SAR1A: variants seen among roughly 807,000 people sequenced by gnomAD.
SAR1A encodes secretion associated Ras related GTPase 1A, also known as small COPII coat GTPase SAR1A.
Under a neutral mutation model 22.6 loss-of-function variants are expected in SAR1A, and 6 were observed. The observed-to-expected ratio is 0.27, with a 90% CI of 0.15 to 0.52. The LOEUF (loss-of-function observed/expected upper bound fraction) is 0.52, where lower values mean the gene tolerates loss of function less well. Among genes scored for constraint, SAR1A ranks in the 20% least tolerant of loss-of-function variants. SAR1A has a pLI of 0.96. For missense variants in SAR1A, 145 were observed against 245.1 expected (o/e 0.59, Z 2.73); for synonymous variants, 70 against 82.2 (o/e 0.85, Z 0.80).
At chr10:70,158,138 G>A (rs1164752551) in intron 4 of SAR1A, among the ~76,000 whole-genome samples, 4 of 152,144 alleles carry the variant, frequency 2.6e-5, no homozygotes, top group South Asian at 2.1e-4. Context: ...ACTTATCCAC[G>A]TGACAATTAT....
Position 70,151,277 on chromosome 10 carries a change from A to AAAAAGAAAAAAAAAAAAAAAT in SAR1A, c.*1198_*1199insATTTTTTTTTTTTTTTCTTTT. 1 of 149,422 alleles carries AAAAAGAAAAAAAAAAAAAAAT rather than the reference A, an allele frequency of 6.7e-6. No homozygotes were observed. Among genetic ancestry groups the AAAAAGAAAAAAAAAAAAAAAT allele is most frequent in the African/African-American group, 2.4e-5 (1 of 41,116 alleles). 9.3% of individuals were successfully genotyped at this position (149,422 alleles called of 1,614,324 possible). A position where few individuals can be genotyped will look rare whatever the true frequency, so the allele number is the denominator to read the frequency against. ...TTCATACCAAAAAAAAAAAAAAAAA[A>AAAAAGAAAAAAAAAAAAAAAT]AAAAAAACCTGGAAAAGCTACAGAT... On this transcript the variant is annotated 3_prime_UTR_variant, in exon 7 of 7. Transcript: ENST00000373241.
At position 70,168,916 on chromosome 10, in the gene SAR1A, C is replaced by A. The variant is rs372851612; in HGVS notation, c.-17+1497G>T. Among the ~76,000 whole-genome samples the A allele has an allele frequency of 1.2e-4, 19 of 152,224 alleles. No homozygotes were observed. The South Asian group carries it at 3.7e-3, about 30-fold the overall frequency. On this transcript the variant is annotated intron_variant, in intron 1 of 6. Transcript: ENST00000373241. ...TCATGGCTCACTGCAGCCTCAACCT[C>A]CCAGGCTCAAGAGATCCTCCCACCT...
chr10:70,161,974 A>T, intron 1 of SAR1A, 43 bp from the exon 2 acceptor site: 1 of 1,389,090 alleles, frequency 7.2e-7, no homozygotes, highest in Non-Finnish European at 1.0e-6. Flanking sequence ...TTTCTGAATG[A>T]CAGTACAATT....
At chr10:70,156,493 G>A (rs1226366882) in intron 5 of SAR1A, among the ~76,000 whole-genome samples, 9 of 151,988 alleles carry the variant, frequency 5.9e-5, no homozygotes, top group Non-Finnish European at 1.2e-4. Flanking sequence ...ATGAGACCCT[G>A]TCTCTACAAA....
At chr10:70,161,337 A>C in intron 3 of SAR1A, 1 of 551,688 alleles carries the variant, frequency 1.8e-6, no homozygotes, top group Non-Finnish European at 3.2e-6. Flanking sequence ...AAACTATTCT[A>C]AAAGCCAAAG....
intron 3 of SAR1A, 109 bp downstream of exon 3, chr10:70,161,510 G>A: frequency 6.0e-6 from 8 of 1,340,448 alleles, no homozygotes; most frequent in Non-Finnish European, 5.1e-6. Flanking sequence ...GTATGAGTTG[G>A]CTTTTGGGAC....
At chr10:70,153,010 G>A (rs1391943311) in intron 6 of SAR1A, among the ~76,000 whole-genome samples, 1 of 152,050 alleles carries the variant, frequency 6.6e-6, no homozygotes, top group African/African-American at 2.4e-5. Context: ...AAGAAATGAA[G>A]AATTCATGTG....
intron 3 of SAR1A, chr10:70,161,293 A>G: frequency 1.8e-6 from 1 of 549,148 alleles, no homozygotes; most frequent in Non-Finnish European, 3.2e-6. Flanking sequence ...CCCACTCCCA[A>G]CAAAGAAAAG....
At chr10:70,155,141 C>T (rs745677024) in intron 5 of SAR1A, 1 of 520,578 alleles carries the variant, frequency 1.9e-6, no homozygotes, top group East Asian at 5.5e-5. Context: ...GACCACAAAT[C>T]CAGAAGTTAG....
chr10:70,169,518 G>A (rs1839597118), intron 1 of SAR1A, among the ~76,000 whole-genome samples: 2 of 152,136 alleles, frequency 1.3e-5, no homozygotes, highest in South Asian at 4.1e-4. Flanking sequence ...GAATTCCAGG[G>A]CTAAATGATT....
chr10:70,151,999 C>A lies in SAR1A; in HGVS notation c.*477G>T. 1 of 188,722 alleles carries A rather than the reference C, an allele frequency of 5.3e-6. No homozygotes were observed. Among genetic ancestry groups the A allele is most frequent in the Admixed American group, 5.5e-5 (1 of 18,028 alleles). The allele number at this position is 188,722 out of a possible 1,614,324, so 11.7% of individuals were successfully genotyped here. On this transcript the variant is annotated 3_prime_UTR_variant, in exon 7 of 7. Coordinates refer to ENST00000373241, the MANE Select transcript of SAR1A (RefSeq NM_020150.5). ...CCCAAATGAGCTCTGGCCTCCATAT[C>A]TGTTCATAATTTTATGAAGTATCTA...
rs182366311 is a variant in SAR1A, at chr10:70,157,491, T to A, written c.348+273A>T. 5.5e-3 allele frequency among the ~76,000 whole-genome samples: 828 copies of A among 149,978 alleles called. 9 individuals are homozygous for A. The highest frequency in any genetic ancestry group is 0.019 in the African/African-American group (780 of 40,338). On this transcript the variant is annotated intron_variant, in intron 5 of 6. Transcript: ENST00000373241. Reference sequence around the variant, plus strand: ...ATTAATTATGCTGGGACAACAGGCATAAATGAGGAGTATCCTGAGCAAACT... The same window carrying A: ...ATTAATTATGCTGGGACAACAGGCAAAAATGAGGAGTATCCTGAGCAAACT...
chr10:70,161,110 C>A, intron 3 of SAR1A, 41 bp from the exon 4 acceptor site: 1 of 1,329,762 alleles, frequency 7.5e-7, no homozygotes, highest in South Asian at 1.2e-5. Flanking sequence ...CTTGTCAACT[C>A]AACAACCCCC....
intron 6 of SAR1A, among the ~76,000 whole-genome samples, chr10:70,152,920 A>C (rs1406843540): frequency 6.6e-6 from 1 of 152,246 alleles, no homozygotes; most frequent in Non-Finnish European, 1.5e-5. Flanking sequence ...TGCAGAAAAG[A>C]GGTCTGGGAC....
rs553383936 is a variant in SAR1A at position 70,156,353 on chromosome 10, G to T, written c.348+1411C>A. Among the ~76,000 whole-genome samples, 71 of 152,214 alleles carry T rather than the reference G, an allele frequency of 4.7e-4. No homozygotes were observed. In the South Asian group the frequency reaches 0.013, roughly 29 times the overall value. ...GAGAGGTAGCTCCAAAATCAAGAGTGAAAAGAGGAGTTTAAACAAAGAGAA... is the reference window on the plus strand; with the variant it reads ...GAGAGGTAGCTCCAAAATCAAGAGTTAAAAGAGGAGTTTAAACAAAGAGAA... On this transcript the variant is annotated intron_variant, in intron 5 of 6. Transcript: ENST00000373241.
intron 5 of SAR1A, among the ~76,000 whole-genome samples, chr10:70,156,608 G>T (rs1268291315): frequency 6.6e-6 from 1 of 151,454 alleles, no homozygotes; most frequent in African/African-American, 2.4e-5. Flanking sequence ...GAAGTCTGGA[G>T]GTTACAGTGA....
chr10:70,161,511 C>T, intron 3 of SAR1A, 108 bp downstream of exon 3: 1 of 1,367,846 alleles, frequency 7.3e-7, no homozygotes, highest in Non-Finnish European at 1.0e-6. Context: ...TATGAGTTGG[C>T]TTTTGGGACT....
At chr10:70,169,931 C>A (rs1207004139) in intron 1 of SAR1A, among the ~76,000 whole-genome samples, 2 of 152,166 alleles carry the variant, frequency 1.3e-5, no homozygotes. Context: ...GACAACCAAG[C>A]GCTGACTTGG....
At chr10:70,156,111 A>T (rs1435163357) in intron 5 of SAR1A, among the ~76,000 whole-genome samples, 3 of 152,214 alleles carry the variant, frequency 2.0e-5, no homozygotes, top group African/African-American at 4.8e-5. Context: ...AAACAGAATC[A>T]GTAGTAGGAG....
Sources: gnomAD v4.1 joint callset for allele counts (sites outside exome capture counted in the v4.1 genomes callset) on GRCh38, gnomAD v4.1.1 for gene constraint, MANE v1.5 for transcripts, NCBI Gene and HGNC (gene_info 2026-07-23, HGNC 2026-07-21) for gene names.